CLCN4: variants seen among roughly 807,000 people sequenced by gnomAD.
CLCN4 encodes the protein Cl-/H+ antiporter 4, also known as H(+)/Cl(-) exchange transporter 4.
CLCN4 carries 1 observed loss-of-function variant against 41.7 expected under a neutral mutation model. That is an observed-to-expected ratio of 0.02 (90% confidence interval 0.01 to 0.11). The LOEUF (loss-of-function observed/expected upper bound fraction) is 0.11, where lower values mean the gene tolerates loss of function less well. Among genes scored for constraint, CLCN4 ranks in the 10% least tolerant of loss-of-function variants. The pLI is 1.00. For missense variants in CLCN4, 287 were observed against 661.0 expected (o/e 0.43, Z 6.20); for synonymous variants, 277 against 285.8 (o/e 0.97, Z 0.31).
intron 2 of CLCN4, among the ~76,000 whole-genome samples, chrX:10,166,277 C>T (rs1300153325): frequency 1.8e-5 from 2 of 112,062 alleles, no homozygotes; most frequent in Non-Finnish European, 3.8e-5. Flanking sequence ...GCATCAGCAG[C>T]GCGCGTCCCT....
intron 1 of CLCN4, among the ~76,000 whole-genome samples, chrX:10,157,512 A>G (rs1321116102): frequency 8.9e-6 from 1 of 112,930 alleles, no homozygotes; most frequent in Non-Finnish European, 1.9e-5. Flanking sequence ...GTCCTTTTAC[A>G]TTTCAAAAAC....
chrX:10,175,073 G>C (rs753702411), intron 2 of CLCN4, among the ~76,000 whole-genome samples: 6 of 111,869 alleles, frequency 5.4e-5, no homozygotes, highest in Non-Finnish European at 9.4e-5. Context: ...TGAGTCAAAG[G>C]GTGGGTAGAT....
intron 2 of CLCN4, among the ~76,000 whole-genome samples, chrX:10,168,258 G>C (rs994215456): frequency 9.0e-6 from 1 of 111,697 alleles, no homozygotes; most frequent in Non-Finnish European, 1.9e-5. Flanking sequence ...GCGTTACTTT[G>C]GGCATTCGGC....
Position 10,212,594 on chromosome X carries a change from C to G in CLCN4, c.1517C>G (p.Pro506Arg), listed in dbSNP as rs2147182703. Residue 506 changes from proline (P) to arginine (R), a missense_variant, in exon 10 of 13, where the codon CCC (proline) becomes CGC (arginine). Pro to Arg is a moderately radical substitution (Grantham distance 103). Transcript: ENST00000380833. ...ATCATCTTCAGGAACTGGTGCAGAC[C>G]CGGTGCAGACTGTGTCACGCCAGGG... ...DWIIFRNWCR[P>R]GADCVTPGLY... The G allele has an allele frequency of 8.3e-7, 1 of 1,211,325 alleles. No homozygotes were observed. Among genetic ancestry groups the G allele is most frequent in the Non-Finnish European group, 1.1e-6 (1 of 895,306 alleles).
intron 2 of CLCN4, among the ~76,000 whole-genome samples, chrX:10,171,815 C>T (rs1449591644): frequency 8.9e-6 from 1 of 111,957 alleles, no homozygotes; most frequent in Non-Finnish European, 1.9e-5. Flanking sequence ...CCTACTCCTG[C>T]CCATGGTGAG....
At chrX:10,192,181 C>G (rs1293256649) in intron 4 of CLCN4, among the ~76,000 whole-genome samples, 2 of 110,671 alleles carry the variant, frequency 1.8e-5, no homozygotes, top group Non-Finnish European at 3.8e-5. Flanking sequence ...CCTGACCCCC[C>G]ACTGTGGTAT....
At position 10,213,992 on chromosome X, in the gene CLCN4, G is replaced by A. The variant is rs1468898100; in HGVS notation, c.1888G>A (p.Asp630Asn). ...CGTGGAGACGCTCATCAAGGAGACC[G>A]ACTACAACGGCTTCCCCGTGGTGGT... is the stretch of plus-strand genomic sequence containing the variant. ...EDVETLIKETDYNGFPVVVSR... is the reference protein window; with the variant it reads ...EDVETLIKETNYNGFPVVVSR... Residue 630 changes from aspartate to asparagine, a missense_variant, in exon 11 of 13, where the codon GAC becomes AAC. By Grantham distance (23) the Asp-to-Asn change is conservative (BLOSUM62 1). Transcript: ENST00000380833. The A allele has an allele frequency of 9.1e-6, 11 of 1,210,340 alleles. No homozygotes were observed. The highest frequency in any genetic ancestry group is 1.2e-5 in the Non-Finnish European group (11 of 894,626).
chrX:10,165,043 G>A (rs765612269), intron 2 of CLCN4, among the ~76,000 whole-genome samples: 4 of 112,739 alleles, frequency 3.5e-5, no homozygotes, highest in Admixed American at 2.8e-4. Flanking sequence ...CCTTCTCCAA[G>A]TGGCCCTGGT....
intron 2 of CLCN4, among the ~76,000 whole-genome samples, chrX:10,169,679 C>T (rs1286879489): frequency 9.0e-6 from 1 of 111,351 alleles, no homozygotes; most frequent in Non-Finnish European, 1.9e-5. Flanking sequence ...TTCAAAACCA[C>T]TCACGTGTGA....
chrX:10,217,375 T>C (rs1274838161), intron 11 of CLCN4, among the ~76,000 whole-genome samples: 1 of 112,166 alleles, frequency 8.9e-6, no homozygotes, highest in Non-Finnish European at 1.9e-5. Context: ...TGATTCTCTG[T>C]GCTGGGGCTG....
intron 12 of CLCN4, among the ~76,000 whole-genome samples, chrX:10,226,395 G>C (rs965606351): frequency 7.2e-5 from 8 of 111,684 alleles, no homozygotes; most frequent in Non-Finnish European, 1.3e-4. Context: ...AGCTACAGCA[G>C]TGTTAAGAGG....
chrX:10,161,908 G>A (rs1369732166), intron 2 of CLCN4, among the ~76,000 whole-genome samples: 1 of 110,714 alleles, frequency 9.0e-6, no homozygotes, highest in Non-Finnish European at 1.9e-5. Flanking sequence ...ATCTGCCGTG[G>A]TGAGGACCCG....
chrX:10,199,281 C>T (rs1414052775), intron 6 of CLCN4, among the ~76,000 whole-genome samples: 1 of 112,095 alleles, frequency 8.9e-6, no homozygotes, highest in Non-Finnish European at 1.9e-5. Flanking sequence ...ATTAGGGGCA[C>T]AATACACAAA....
intron 2 of CLCN4, among the ~76,000 whole-genome samples, chrX:10,169,791 CTTTTT>C (rs768158943): frequency 1.7e-5 from 1 of 58,549 alleles, no homozygotes. Flanking sequence ...CTTTTCTTTT[CTTTTT>C]TTTTTTTTTT....
At chrX:10,225,100 A>G (rs927440397) in intron 12 of CLCN4, among the ~76,000 whole-genome samples, 1 of 112,043 alleles carries the variant, frequency 8.9e-6, no homozygotes, top group East Asian at 2.8e-4. Flanking sequence ...TCCTTTGGGT[A>G]TATACTCAGT....
rs137976389 is a variant in CLCN4 at position 10,203,506 on chromosome X, T to C, written c.556-2852T>C. On this transcript the variant is annotated intron_variant, in intron 6 of 12. Coordinates refer to ENST00000380833, the MANE Select transcript of CLCN4 (RefSeq NM_001830.4). Reference sequence around the variant, plus strand: ...CATACACACTCTTGGATGAGCTCACTTCATGACCCTCCCCAAATCGCCCAA... The same window carrying C: ...CATACACACTCTTGGATGAGCTCACCTCATGACCCTCCCCAAATCGCCCAA... Among the ~76,000 whole-genome samples, 157 of 111,727 alleles carry C rather than the reference T, an allele frequency of 1.4e-3. 1 individual carries two copies. Among genetic ancestry groups the C allele is most frequent in the African/African-American group, 5.0e-3 (153 of 30,772 alleles).
intron 4 of CLCN4, among the ~76,000 whole-genome samples, chrX:10,193,247 G>T (rs1478247512): frequency 8.9e-6 from 1 of 112,171 alleles, no homozygotes; most frequent in African/African-American, 3.2e-5. Flanking sequence ...GGTGATGTCT[G>T]CTGTGGGCAT....
At chrX:10,195,424 G>A (rs761445612) in intron 5 of CLCN4, among the ~76,000 whole-genome samples, 4 of 111,057 alleles carry the variant, frequency 3.6e-5, no homozygotes, top group Non-Finnish European at 7.5e-5. Flanking sequence ...AAGAAACAAG[G>A]TTGACTTTGA....
At position 10,212,666 on chromosome X, in the gene CLCN4, G is replaced by C; in HGVS notation, c.1576+13G>C. ...GCGGCCTGCCTCGGTACGACCATGG[G>C]TGGGGCAGGGAGGGGGACCGGGGAA... On this transcript the variant is annotated intron_variant, in intron 10 of 12. Transcript: ENST00000380833. 8.4e-7 allele frequency: 1 copy of C among 1,191,625 alleles called. No individual in the cohort carries two copies. The highest frequency in any genetic ancestry group is 1.1e-6 in the Non-Finnish European group (1 of 880,806).
Sources: gnomAD v4.1 joint callset for allele counts (sites outside exome capture counted in the v4.1 genomes callset) on GRCh38, gnomAD v4.1.1 for gene constraint, MANE v1.5 for transcripts, NCBI Gene and HGNC (gene_info 2026-07-23, HGNC 2026-07-21) for gene names.